ANKLE2: variants seen among roughly 807,000 people sequenced by gnomAD.
ANKLE2 encodes ankyrin repeat and LEM domain-containing protein 2.
ANKLE2 carries 55 observed loss-of-function variants against 84.2 expected under a neutral mutation model. That is an observed-to-expected ratio of 0.65 (90% CI 0.53 to 0.82). The LOEUF is 0.82. Ranked by LOEUF, ANKLE2 falls within the 40% of genes least tolerant of loss-of-function variation. The probability of loss-of-function intolerance (pLI) is 0.00; values close to 1 mark genes in which losing one functional copy is unlikely to be tolerated. For missense variants in ANKLE2, 1,238 were observed against 1,201.9 expected (o/e 1.03, Z -0.44); for synonymous variants, 551 against 486.1 (o/e 1.13, Z -1.76).
At chr12:132,741,526 A>C in intron 6 of ANKLE2, 41 bp from the exon 7 acceptor site, 2 of 1,566,512 alleles carry the variant, frequency 1.3e-6, no homozygotes, top group Non-Finnish European at 1.8e-6. Context: ...ATTTGATCGC[A>C]ACATTTCCTT....
chr12:132,750,204 C>CAAAAAAAAAAAAAAAAAA, intron 3 of ANKLE2, among the ~76,000 whole-genome samples: 1 of 79,446 alleles, frequency 1.3e-5, no homozygotes, highest in Non-Finnish European at 2.3e-5. Context: ...GACTCCATCT[C>CAAAAAAAAAAAAAAAAAA]AAAAAAAAAA....
At chr12:132,742,472 T>G (rs1278103849) in intron 6 of ANKLE2, 1 of 152,486 alleles carries the variant, frequency 6.6e-6, no homozygotes, top group Non-Finnish European at 1.5e-5. Context: ...AAAATCAAAC[T>G]CATCTTTCAG....
rs147261985 is a variant in ANKLE2, at chr12:132,753,169, G to A, written c.640+1506C>T. Among the ~76,000 whole-genome samples, 17 of 152,000 alleles carry A rather than the reference G, an allele frequency of 1.1e-4. No individual in the cohort carries two copies. In the East Asian group the frequency reaches 1.2e-3, roughly 10 times the overall value. On this transcript the variant is annotated intron_variant, in intron 2 of 12. Transcript: ENST00000357997. ...CTACCAAGAATACAAAAAAACTGGC[G>A]CGTACTGGCACGTGCCCGTGATCCC...
rs1306305987 is a variant in ANKLE2 at position 132,755,020 on chromosome 12, T to C, written c.295A>G (p.Arg99Gly). Residue 99 changes from arginine to glycine, a missense_variant, in exon 2 of 13, where the codon AGG becomes GGG. Arg to Gly is a moderately radical substitution (Grantham distance 125). Coordinates refer to ENST00000357997, the MANE Select transcript of ANKLE2 (RefSeq NM_015114.3). The stretch of plus-strand genomic sequence containing the variant: ...GCCAATTTTTTCTCAAAAATGAACC[T>C]TGTAGTTGATGTAATGGGTCCACAT... ...LKCGPITSTT[R>G]FIFEKKLAQA... is the part of the protein sequence containing the mutation. The C allele has an allele frequency of 1.2e-6, 2 of 1,614,170 alleles. No individual in the cohort carries two copies. The highest frequency in any genetic ancestry group is 2.2e-5 in the East Asian group (1 of 44,892).
chr12:132,727,375 T>C lies in ANKLE2; in HGVS notation c.2684A>G (p.Tyr895Cys), dbSNP rs1487688161. ...QLPDLSGPHSYSPGRNSVAGS... is the reference protein window; with the variant it reads ...QLPDLSGPHSCSPGRNSVAGS... The stretch of plus-strand genomic sequence containing the variant: ...AGCCACGCTGTTTCTCCCCGGACTG[T>C]AGCTGTGAGGGCCACTGAGATCTGG... The change falls in exon 13 of 13, where the codon TAC becomes TGC. Residue 895 changes from tyrosine (Y) to cysteine (C), a missense_variant. By Grantham distance (194) the Tyr-to-Cys change is radical. Coordinates refer to ENST00000357997, the MANE Select transcript of ANKLE2 (RefSeq NM_015114.3). The C allele has an allele frequency of 3.2e-6, 5 of 1,561,768 alleles. No individual in the cohort carries two copies. The East Asian group carries it at 1.2e-4, about 37-fold the overall frequency.
chr12:132,735,703 A>G (rs1030240356), intron 8 of ANKLE2, among the ~76,000 whole-genome samples, 191 bp from the exon 9 acceptor site: 10 of 152,124 alleles, frequency 6.6e-5, no homozygotes, highest in African/African-American at 2.4e-4. Context: ...CTGCACTCTG[A>G]CCTGGGGGAG....
At chr12:132,745,946 C>T (rs1302871972) in intron 5 of ANKLE2, among the ~76,000 whole-genome samples, 4 of 152,220 alleles carry the variant, frequency 2.6e-5, no homozygotes, top group African/African-American at 9.6e-5. Context: ...TAGTTATATA[C>T]TAAAGTTTGT....
chr12:132,745,741 C>T (rs1482873459), intron 5 of ANKLE2: 2 of 186,552 alleles, frequency 1.1e-5, no homozygotes, highest in African/African-American at 2.3e-5. Context: ...CGTCGGATCC[C>T]GCACCTCTCT....
rs1015592396 is a variant in ANKLE2 at position 132,747,951 on chromosome 12, G to C, written c.1111C>G (p.Leu371Val). 1.9e-6 allele frequency: 3 copies of C among 1,600,210 alleles called. No homozygotes were observed. Among genetic ancestry groups the C allele is most frequent in the Non-Finnish European group, 2.5e-6 (3 of 1,176,758 alleles). The part of the protein sequence containing the change: ...ENQASICQLT[L>V]DVLENPDFMR... ...AAGTCAGGGTTCTCCAGGACGTCCA[G>C]AGTCAGCTGGCAGATGGAAGCCTGG... The change falls in exon 5 of 13, where the codon CTG (leucine) becomes GTG (valine). Residue 371 changes from leucine (L) to valine (V), a missense_variant. By Grantham distance (32) the Leu-to-Val change is conservative. This residue lies in a region of ANKLE2 where 802 missense variants were observed against 774.5 expected (regional missense o/e 1.04). Coordinates refer to ENST00000357997, the MANE Select transcript of ANKLE2 (RefSeq NM_015114.3).
At chr12:132,735,711 GA>G (rs1432459787) in intron 8 of ANKLE2, among the ~76,000 whole-genome samples, 199 bp from the exon 9 acceptor site, 1 of 152,174 alleles carries the variant, frequency 6.6e-6, no homozygotes, top group Non-Finnish European at 1.5e-5. Flanking sequence ...TGACCTGGGG[GA>G]GGGGAGGCGG....
At chr12:132,744,207 G>A (rs1015249167) in intron 5 of ANKLE2, among the ~76,000 whole-genome samples, 1 of 152,150 alleles carries the variant, frequency 6.6e-6, no homozygotes, top group Non-Finnish European at 1.5e-5. Context: ...ATGGTCAACA[G>A]TGCCCCTGAG....
chr12:132,745,587 A>G (rs1427034447), intron 5 of ANKLE2: 1 of 154,626 alleles, frequency 6.5e-6, no homozygotes, highest in Non-Finnish European at 1.5e-5. Context: ...GGGCTCTGCC[A>G]TCAGTAGGAA....
At chr12:132,752,032 G>A (rs1000830769) in intron 2 of ANKLE2, among the ~76,000 whole-genome samples, 1 of 152,102 alleles carries the variant, frequency 6.6e-6, no homozygotes, top group African/African-American at 2.4e-5. Context: ...AATGGTTACT[G>A]TCCACTACTG....
intron 10 of ANKLE2, among the ~76,000 whole-genome samples, chr12:132,732,608 C>G (rs1468416803): frequency 1.5e-5 from 2 of 134,214 alleles, no homozygotes; most frequent in Non-Finnish European, 3.2e-5. Flanking sequence ...GTGTGAAGCT[C>G]TCTGCGTCCT....
chr12:132,747,148 C>T (rs991005871), intron 5 of ANKLE2, among the ~76,000 whole-genome samples: 8 of 152,222 alleles, frequency 5.3e-5, no homozygotes, highest in African/African-American at 1.7e-4. Context: ...GCCAGGATTG[C>T]TGTCACCTTT....
intron 9 of ANKLE2, 192 bp downstream of exon 9, chr12:132,735,214 G>T (rs2043983536): frequency 6.7e-6 from 4 of 598,410 alleles, no homozygotes; most frequent in Non-Finnish European, 1.2e-5. Flanking sequence ...CATCCCCCAG[G>T]TCTGGGACGG....
intron 3 of ANKLE2, among the ~76,000 whole-genome samples, chr12:132,749,572 G>A (rs1184554485): frequency 6.6e-6 from 1 of 152,252 alleles, no homozygotes; most frequent in Non-Finnish European, 1.5e-5. Flanking sequence ...GTATAAGGCT[G>A]ACTGAGGGCA....
rs1457992895 is a variant in ANKLE2, at chr12:132,761,802, C to A, written c.-4G>T. On this transcript the variant is annotated 5_prime_UTR_variant, in exon 1 of 13. Coordinates refer to ENST00000357997, the MANE Select transcript of ANKLE2 (RefSeq NM_015114.3). The stretch of plus-strand genomic sequence containing the variant: ...CCGCCAGCCGCGGCCACAGCATCGC[C>A]GCCGCCCGGGCCGCAGCCGCCGAGA... 1.9e-6 allele frequency: 2 copies of A among 1,078,172 alleles called. No homozygotes were observed. Among genetic ancestry groups the A allele is most frequent in the Admixed American group, 1.1e-4 (2 of 18,630 alleles). The allele number at this position is 1,078,172 out of a possible 1,614,324, so 66.8% of individuals were successfully genotyped here. A position where few individuals can be genotyped will look rare whatever the true frequency, so the allele number is the denominator to read the frequency against.
chr12:132,729,751 C>T lies in ANKLE2; in HGVS notation c.2411G>A (p.Ser804Asn). The change falls in exon 11 of 13, where the codon AGT becomes AAT. Residue 804 changes from serine (S) to asparagine (N), a missense_variant. By Grantham distance (46) the Ser-to-Asn change is conservative (BLOSUM62 1). Transcript: ENST00000357997. ...ATCCTCGTGCCTGGGGCTGCTGGGA[C>T]TCAAGGACATTTTAGCGATCCTGGC... ...MSARIAKMSL[S>N]PSSPRHEDQL... 1 of 1,611,790 alleles carries T rather than the reference C, an allele frequency of 6.2e-7. No individual in the cohort carries two copies. Among genetic ancestry groups the T allele is most frequent in the Non-Finnish European group, 8.5e-7 (1 of 1,179,522 alleles).
Sources: allele counts gnomAD v4.1 joint callset (sites outside exome capture counted in the v4.1 genomes callset), GRCh38; gene constraint gnomAD v4.1.1; regional missense constraint gnomAD v4.1.1; transcripts MANE v1.5; gene names NCBI Gene and HGNC (gene_info 2026-07-23, HGNC 2026-07-21).